The following YWHAE variants were observed in gnomAD, a reference collection of about 807,000 sequenced individuals.
YWHAE encodes tyrosine 3-monooxygenase/tryptophan 5-monooxygenase activation protein epsilon.
Under a neutral mutation model 30.1 loss-of-function variants are expected in YWHAE, and 4 were observed. The ratio of observed to expected loss-of-function variants is 0.13; its 90% CI spans 0.07 to 0.30. The LOEUF (loss-of-function observed/expected upper bound fraction) is 0.30. Ranked by LOEUF, YWHAE falls within the 10% of genes least tolerant of loss-of-function variation. The pLI, the probability that YWHAE is intolerant of heterozygous loss-of-function variation, is 1.00. For synonymous variants in YWHAE, 118 were observed against 111.8 expected (o/e 1.06, Z -0.35); for missense variants, 121 against 315.9 (o/e 0.38, Z 4.68).
rs35930155 is a variant in YWHAE, at chr17:1,387,924, C to CTTTTTT, written c.64+12117_64+12122dup. Among the ~76,000 whole-genome samples the CTTTTTT allele has an allele frequency of 1.5e-4, 11 of 75,704 alleles. 1 individual carries two copies. The highest frequency in any genetic ancestry group is 5.7e-4 in the Admixed American group (3 of 5,252). 49.7% of individuals were successfully genotyped at this position (75,704 alleles called of 152,430 possible). ...TACAGGAGTGAGCCACTGCACCTGGCTTTTTTTTTTTTTTTTTTTTTGACG... is the reference window on the plus strand; with the variant it reads ...TACAGGAGTGAGCCACTGCACCTGGCTTTTTTTTTTTTTTTTTTTTTTTTTTTGACG... On this transcript the variant is annotated intron_variant, in intron 1 of 5. Transcript: ENST00000264335.
intron 4 of YWHAE, among the ~76,000 whole-genome samples, chr17:1,357,555 C>T (rs1026379266): frequency 6.6e-6 from 1 of 150,776 alleles, no homozygotes; most frequent in Non-Finnish European, 1.5e-5. Flanking sequence ...ACTCCAGCCA[C>T]AGCAGCAGAG....
In YWHAE at chr17:1,365,262, G is replaced by GT. The variant is rs1011954804; in HGVS notation, c.65-205dup. On this transcript the variant is annotated intron_variant, in intron 1 of 5. Coordinates refer to ENST00000264335, the MANE Select transcript of YWHAE (RefSeq NM_006761.5). ...AGAGCCAATACAAAGACTCCAGAAG[G>GT]TAGTTAGGTGGAGTGAGAAAGACTT... Among the ~76,000 whole-genome samples, 50 of 65,598 alleles carry GT rather than the reference G, an allele frequency of 7.6e-4. No individual in the cohort carries two copies. In the African/African-American group the frequency reaches 8.7e-3, roughly 11 times the overall value. 43.0% of individuals were successfully genotyped at this position (65,598 alleles called of 152,430 possible).
chr17:1,357,905 A>C lies in YWHAE; in HGVS notation c.578+3187T>G, dbSNP rs568237543. 1.6e-4 allele frequency among the ~76,000 whole-genome samples: 25 copies of C among 151,712 alleles called. No individual in the cohort carries two copies. In the East Asian group the frequency reaches 1.9e-3, roughly 12 times the overall value. On this transcript the variant is annotated intron_variant, in intron 4 of 5. Coordinates refer to ENST00000264335, the MANE Select transcript of YWHAE (RefSeq NM_006761.5). ...TTGCACCACTGCACTCCAGCCTGGG[A>C]AACACAGCGAGACTCTCCTCTCGGG...
chr17:1,351,752 G>A lies in YWHAE; in HGVS notation c.715+2459C>T, dbSNP rs1039873355. Among the ~76,000 whole-genome samples the A allele has an allele frequency of 7.2e-5, 11 of 152,126 alleles. No individual in the cohort carries two copies. In the East Asian group the frequency reaches 1.4e-3, roughly 19 times the overall value. On this transcript the variant is annotated intron_variant, in intron 5 of 5. Coordinates refer to ENST00000264335, the MANE Select transcript of YWHAE (RefSeq NM_006761.5). ...AACCTCAGCCGTCTGAGAAGCATGC[G>A]TTGTCACACCTGGCTGTTGTTTTTG... is the stretch of plus-strand genomic sequence containing the variant.
chr17:1,377,759 G>A (rs938229043), intron 1 of YWHAE, among the ~76,000 whole-genome samples: 2 of 152,170 alleles, frequency 1.3e-5, no homozygotes, highest in Non-Finnish European at 2.9e-5. Context: ...ACTATGTAAA[G>A]ACTTCCTGGC....
chr17:1,392,080 G>A (rs1443174269), intron 1 of YWHAE, among the ~76,000 whole-genome samples: 1 of 150,150 alleles, frequency 6.7e-6, no homozygotes, highest in Non-Finnish European at 1.5e-5. Context: ...TACTTCTGTA[G>A]CCCCAGCTAC....
chr17:1,346,441 C>T (rs1253833612), intron 5 of YWHAE, among the ~76,000 whole-genome samples: 2 of 152,162 alleles, frequency 1.3e-5, no homozygotes, highest in Non-Finnish European at 2.9e-5. Context: ...AAATGACTAT[C>T]CATTCATAAT....
intron 1 of YWHAE, among the ~76,000 whole-genome samples, chr17:1,371,562 A>C (rs556539024): frequency 1.8e-4 from 27 of 152,256 alleles, no homozygotes; most frequent in African/African-American, 6.3e-4. Context: ...ATGATTCTTA[A>C]AGAGGCCTCA....
intron 3 of YWHAE, chr17:1,361,591 G>A: frequency 2.3e-6 from 1 of 425,754 alleles, no homozygotes; most frequent in Non-Finnish European, 4.1e-6. Context: ...CAAGCAAGTG[G>A]TTCCAAGGAA....
intron 4 of YWHAE, among the ~76,000 whole-genome samples, chr17:1,355,401 T>C (rs2072724622): frequency 6.6e-6 from 1 of 151,280 alleles, no homozygotes; most frequent in African/African-American, 2.4e-5. Flanking sequence ...CCTCGTGATG[T>C]GCCCGCCTCA....
At chr17:1,394,598 C>G (rs943859426) in intron 1 of YWHAE, among the ~76,000 whole-genome samples, 4 of 151,534 alleles carry the variant, frequency 2.6e-5, no homozygotes, top group Non-Finnish European at 5.9e-5. Context: ...AAAGCAAGAC[C>G]CTGTTTCAAA....
chr17:1,352,488 C>T (rs926897810), intron 5 of YWHAE, among the ~76,000 whole-genome samples: 1 of 151,802 alleles, frequency 6.6e-6, no homozygotes, highest in Non-Finnish European at 1.5e-5. Context: ...CCTCAAGCAA[C>T]GCGACATATG....
At chr17:1,381,434 G>A (rs766676012) in intron 1 of YWHAE, among the ~76,000 whole-genome samples, 5 of 152,062 alleles carry the variant, frequency 3.3e-5, no homozygotes, top group Non-Finnish European at 5.9e-5. Context: ...CCTTGAACCC[G>A]GGAGGTGGAG....
chr17:1,377,006 C>T (rs1017091983), intron 1 of YWHAE, among the ~76,000 whole-genome samples: 3 of 151,898 alleles, frequency 2.0e-5, no homozygotes, highest in Non-Finnish European at 4.4e-5. Flanking sequence ...CTCCATCTCC[C>T]ATGTTCAAGT....
intron 1 of YWHAE, among the ~76,000 whole-genome samples, chr17:1,390,055 G>A (rs1183584567): frequency 6.6e-6 from 1 of 151,828 alleles, no homozygotes; most frequent in African/African-American, 2.4e-5. Context: ...TGTTGGTCAG[G>A]CTGGTCTTGA....
In YWHAE at chr17:1,363,109, G is replaced by C. The variant is rs529274611; in HGVS notation, c.265-1101C>G. 4.6e-5 allele frequency among the ~76,000 whole-genome samples: 7 copies of C among 152,192 alleles called. No homozygotes were observed. In the South Asian group the frequency reaches 1.0e-3, roughly 23 times the overall value. On this transcript the variant is annotated intron_variant, in intron 2 of 5. Transcript: ENST00000264335. ...CAGAGTTCTTTGCTCTCTACTCCTA[G>C]ACTTTCACTTGTCCACACCCATGAC... is the stretch of plus-strand genomic sequence containing the variant.
intron 1 of YWHAE, among the ~76,000 whole-genome samples, chr17:1,396,218 G>A (rs891863386): frequency 9.2e-5 from 14 of 152,110 alleles, no homozygotes; most frequent in African/African-American, 1.9e-4. Context: ...TCGGGAGTTC[G>A]AGACCAGCCT....
rs56023639 is a variant in YWHAE, at chr17:1,385,144, C to CAAA, written c.64+14900_64+14902dup. ...TGGGTGACAGGGAAAGACTCTGTCT[C>CAAA]AAAAAAAAAAAAAAAAAAAGTAAAG... is the stretch of plus-strand genomic sequence containing the variant. On this transcript the variant is annotated intron_variant, in intron 1 of 5. Transcript: ENST00000264335. 4.3e-3 allele frequency among the ~76,000 whole-genome samples: 377 copies of CAAA among 86,732 alleles called. 7 individuals carry two copies. The highest frequency in any genetic ancestry group is 9.0e-3 in the South Asian group (21 of 2,342). 56.9% of individuals were successfully genotyped at this position (86,732 alleles called of 152,430 possible). A position where few individuals can be genotyped will look rare whatever the true frequency, so the allele number is the denominator to read the frequency against.
chr17:1,350,048 G>A (rs1053902213), intron 5 of YWHAE, among the ~76,000 whole-genome samples: 4 of 151,258 alleles, frequency 2.6e-5, no homozygotes, highest in African/African-American at 9.7e-5. Flanking sequence ...CAACTCCCAG[G>A]TTCAAGCGAT....
Sources: allele counts gnomAD v4.1 joint callset (sites outside exome capture counted in the v4.1 genomes callset), GRCh38; gene constraint gnomAD v4.1.1; transcripts MANE v1.5; gene names NCBI Gene and HGNC (gene_info 2026-07-23, HGNC 2026-07-21).